DPP9: variants seen among roughly 807,000 people sequenced by gnomAD.
DPP9 encodes the protein dipeptidyl peptidase 9, also known as dipeptidyl peptidase IV-related protein-2.
DPP9 carries 50 observed loss-of-function variants against 110.7 expected under a neutral mutation model. That is an observed-to-expected ratio of 0.45 (90% CI 0.36 to 0.57). The LOEUF (loss-of-function observed/expected upper bound fraction) is 0.57, where lower values mean the gene tolerates loss of function less well. DPP9 is among the 20% of genes least tolerant of loss of function. The pLI, the probability that DPP9 is intolerant of heterozygous loss-of-function variation, is 0.00. For missense variants in DPP9, 1,022 were observed against 1,217.9 expected (o/e 0.84, Z 2.39); for synonymous variants, 561 against 514.4 (o/e 1.09, Z -1.23).
chr19:4,708,595 C>G (rs928541242), intron 4 of DPP9, among the ~76,000 whole-genome samples: 3 of 152,226 alleles, frequency 2.0e-5, no homozygotes, highest in Non-Finnish European at 4.4e-5. Context: ...CCACGGAGTA[C>G]TCTGCAGCCA....
Position 4,689,500 on chromosome 19 carries a change from A to C in DPP9, c.1749+70T>G. ...ATGACCCTGAGTGCTGTGCCGGGCC[A>C]TGAGGGACTGCTCTGGCTGGGAGCT... On this transcript the variant is annotated intron_variant, in intron 15 of 21. Transcript: ENST00000262960. The surrounding 1 kb of genome is among the most constrained non-coding windows in gnomAD (Gnocchi z 7.0). 1 of 1,515,052 alleles carries C rather than the reference A, an allele frequency of 6.6e-7. No individual in the cohort carries two copies. Among genetic ancestry groups the C allele is most frequent in the Non-Finnish European group, 8.8e-7 (1 of 1,135,464 alleles). The allele number at this position is 1,515,052 out of a possible 1,614,324, so 93.9% of individuals were successfully genotyped here. A position where few individuals can be genotyped will look rare whatever the true frequency, so the allele number is the denominator to read the frequency against.
chr19:4,690,991 C>T (rs375859514), intron 13 of DPP9, 34 bp from the exon 14 acceptor site: 3 of 1,571,816 alleles, frequency 1.9e-6, no homozygotes, highest in African/African-American at 1.3e-5. Context: ...GTGAAGGGGC[C>T]TGGGAGGTGA....
chr19:4,714,021 C>T (rs2092960371), intron 4 of DPP9, 60 bp downstream of exon 4: 4 of 1,533,934 alleles, frequency 2.6e-6, no homozygotes, highest in Non-Finnish European at 2.6e-6. Context: ...ACAGAGAGGA[C>T]CAGGGAACTG....
At chr19:4,688,935 C>T (rs1157843207) in intron 15 of DPP9, 43 bp from the exon 16 acceptor site, 17 of 1,495,896 alleles carry the variant, frequency 1.1e-5, no homozygotes, top group East Asian at 2.7e-5. Flanking sequence ...GATGCCGCTG[C>T]GCCCTTTCCA....
rs1348685706 is a variant in DPP9, at chr19:4,700,409, G to T, written c.1013-132C>A. The stretch of plus-strand genomic sequence containing the variant: ...AATTGGAGTGGGGGAGGCAGGAGAA[G>T]CCAGGTGTCCCACGGTCTGTCTGTA... On this transcript the variant is annotated intron_variant, in intron 9 of 21. Coordinates refer to ENST00000262960, the MANE Select transcript of DPP9 (RefSeq NM_139159.5). The surrounding 1 kb of genome is among the most constrained non-coding windows in gnomAD (Gnocchi z 4.3). 6.8e-6 allele frequency: 4 copies of T among 589,788 alleles called. No individual in the cohort carries two copies. Among genetic ancestry groups the T allele is most frequent in the African/African-American group, 1.9e-5 (1 of 52,472 alleles). 36.5% of individuals were successfully genotyped at this position (589,788 alleles called of 1,614,324 possible).
chr19:4,676,646 T>C lies in DPP9; in HGVS notation c.2597A>G (p.Asn866Ser), dbSNP rs1318818287. The C allele has an allele frequency of 6.2e-7, 1 of 1,603,340 alleles. No individual in the cohort carries two copies. The highest frequency in any genetic ancestry group is 2.3e-5 in the East Asian group (1 of 44,364). The part of the protein sequence containing the change: ...GKPYQLQIYP[N>S]ERHSIRCPES... The stretch of plus-strand genomic sequence containing the variant: ...GGGGCAGCGAATACTGTGTCTCTCG[T>C]TGGGGTAGATCTGCGGGGAGACAGG... Residue 866 changes from asparagine (N) to serine (S), a missense_variant, in exon 22 of 22, where the codon AAC becomes AGC. This residue lies in a region of DPP9 where 209 missense variants were observed against 280.4 expected (regional missense o/e 0.75). Coordinates refer to ENST00000262960, the MANE Select transcript of DPP9 (RefSeq NM_139159.5). This position sits in a 1 kb window ranked among gnomAD's most constrained non-coding sequence, Gnocchi z 4.0.
In DPP9 at chr19:4,714,296, G is replaced by A. The variant is rs749337868; in HGVS notation, c.98C>T (p.Thr33Ile). 35 of 1,541,234 alleles carry A rather than the reference G, an allele frequency of 2.3e-5. No individual in the cohort carries two copies. The highest frequency in any genetic ancestry group is 1.6e-4 in the Admixed American group (8 of 51,036). Residue 33 changes from threonine to isoleucine, a missense_variant, in exon 4 of 22, where the codon ACC (threonine) becomes ATC (isoleucine). By Grantham distance (89) the Thr-to-Ile change is moderately conservative (BLOSUM62 -1). Transcript: ENST00000262960. ...NSEGAERMAT[T>I]GTPTADRGDA... is the part of the protein sequence containing the mutation. Reference sequence around the variant, plus strand: ...GCCTCGGTCGGCCGTTGGGGTCCCGGTGGTGGCCATCCTCTCAGCCCCCTC... The same window carrying A: ...GCCTCGGTCGGCCGTTGGGGTCCCGATGGTGGCCATCCTCTCAGCCCCCTC...
chr19:4,682,642 C>T lies in DPP9; in HGVS notation c.2474+54G>A. The T allele has an allele frequency of 1.9e-6, 3 of 1,586,388 alleles. No homozygotes were observed. The highest frequency in any genetic ancestry group is 2.6e-6 in the Non-Finnish European group (3 of 1,167,424). On this transcript the variant is annotated intron_variant, in intron 20 of 21. Transcript: ENST00000262960. This position sits in a 1 kb window ranked among gnomAD's most constrained non-coding sequence, Gnocchi z 7.1. ...GGCACCCTCATAGAGACAGCTGGTGCCGGGGTGCAGGAGAAGCCCCGGGGA... is the reference window on the plus strand; with the variant it reads ...GGCACCCTCATAGAGACAGCTGGTGTCGGGGTGCAGGAGAAGCCCCGGGGA...
chr19:4,691,832 C>A (rs1215989077), intron 13 of DPP9, among the ~76,000 whole-genome samples: 1 of 150,996 alleles, frequency 6.6e-6, no homozygotes, highest in Non-Finnish European at 1.5e-5. Context: ...CACCTGCCAC[C>A]ATGCCCGGCT....
At chr19:4,706,614 G>A (rs536834488) in intron 4 of DPP9, among the ~76,000 whole-genome samples, 1 of 152,166 alleles carries the variant, frequency 6.6e-6, no homozygotes, top group African/African-American at 2.4e-5. Flanking sequence ...TCAGGAGTTC[G>A]AGACCAGACT....
Position 4,687,794 on chromosome 19 carries a change from G to C in DPP9, c.1885+963C>G, listed in dbSNP as rs995725698. 6.6e-6 allele frequency among the ~76,000 whole-genome samples: 1 copy of C among 152,000 alleles called. No individual in the cohort carries two copies. The highest frequency in any genetic ancestry group is 6.6e-5 in the Admixed American group (1 of 15,260). On this transcript the variant is annotated intron_variant, in intron 16 of 21. Transcript: ENST00000262960. The surrounding 1 kb of genome is among the most constrained non-coding windows in gnomAD (Gnocchi z 4.7). ...GGCCACCCCTGCATGGACCACCACT[G>C]TTCAAAAGGTTTTTTTTTTTTGAGA...
chr19:4,704,088 G>T lies in DPP9; in HGVS notation c.601-34C>A. 6.2e-7 allele frequency: 1 copy of T among 1,613,524 alleles called. No individual in the cohort carries two copies. The highest frequency in any genetic ancestry group is 8.5e-7 in the Non-Finnish European group (1 of 1,179,616). ...AGAGACGCCCAGCTCAGGGGGAGGGGCCCTCCACGCCACCCCCGCACACAG... is the reference window on the plus strand; with the variant it reads ...AGAGACGCCCAGCTCAGGGGGAGGGTCCCTCCACGCCACCCCCGCACACAG... On this transcript the variant is annotated intron_variant, in intron 6 of 21. Coordinates refer to ENST00000262960, the MANE Select transcript of DPP9 (RefSeq NM_139159.5). The surrounding 1 kb of genome is among the most constrained non-coding windows in gnomAD (Gnocchi z 6.0).
At chr19:4,705,481 C>T (rs995758575) in intron 5 of DPP9, among the ~76,000 whole-genome samples, 3 of 152,234 alleles carry the variant, frequency 2.0e-5, no homozygotes, top group Admixed American at 6.5e-5. Context: ...CTCGGCCTCC[C>T]AATCATCAAA....
chr19:4,682,872 G>T lies in DPP9; in HGVS notation c.2332-34C>A, dbSNP rs749247611. The T allele has an allele frequency of 6.4e-7, 1 of 1,559,582 alleles. No individual in the cohort carries two copies. Among genetic ancestry groups the T allele is most frequent in the African/African-American group, 1.4e-5 (1 of 73,670 alleles). ...CACAGCAGACAGATGGGGGCAGAGA[G>T]AGAGAGAGAAACAGGCGTCGGGTCC... On this transcript the variant is annotated intron_variant, in intron 19 of 21. Coordinates refer to ENST00000262960, the MANE Select transcript of DPP9 (RefSeq NM_139159.5). The surrounding 1 kb of genome is among the most constrained non-coding windows in gnomAD (Gnocchi z 7.1).
At position 4,703,910 on chromosome 19, in the gene DPP9, G is replaced by A. The variant is rs199621774; in HGVS notation, c.745C>T (p.Arg249Trp). The A allele has an allele frequency of 1.3e-4, 203 of 1,609,576 alleles. No homozygotes were observed. The highest frequency in any genetic ancestry group is 1.5e-4 in the Non-Finnish European group (182 of 1,178,172). Residue 249 changes from arginine to tryptophan, a missense_variant, in exon 7 of 22, where the codon CGG becomes TGG. Physicochemically the swap from Arg to Trp is moderately radical, Grantham distance 101. This residue lies in a region of DPP9 where 810 missense variants were observed against 920.6 expected (regional missense o/e 0.88). Transcript: ENST00000262960. Reference protein sequence around the residue: ...WVANIETGEERRLTFCHQGLS... With the variant: ...WVANIETGEEWRLTFCHQGLS... Reference sequence around the variant, plus strand: ...CCTTGGTGGCAGAAGGTCAGCCGCCGCTCCTCGCCTGTCTCGATGTTGGCC... The same window carrying A: ...CCTTGGTGGCAGAAGGTCAGCCGCCACTCCTCGCCTGTCTCGATGTTGGCC...
At position 4,694,712 on chromosome 19, in the gene DPP9, C is replaced by T. The variant is rs201879683; in HGVS notation, c.1465G>A (p.Val489Ile). ...CAATCGTAGCCCTGGGATTTTAAAA[C>T]GGCGGTGACTTTGTACAAATGGCAG... ...GFCHLYKVTA[V>I]LKSQGYDWSE... The change falls in exon 13 of 22, where the codon GTT (valine) becomes ATT (isoleucine). Residue 489 changes from valine (V) to isoleucine (I), a missense_variant. This residue lies in a region of DPP9 where 810 missense variants were observed against 920.6 expected (regional missense o/e 0.88). Coordinates refer to ENST00000262960, the MANE Select transcript of DPP9 (RefSeq NM_139159.5). The surrounding 1 kb of genome is among the most constrained non-coding windows in gnomAD (Gnocchi z 4.0). The T allele has an allele frequency of 1.5e-3, 2,436 of 1,613,334 alleles. 1 individual carries two copies. The highest frequency in any genetic ancestry group is 1.9e-3 in the Non-Finnish European group (2,253 of 1,179,650).
rs2090438636 is a variant in DPP9, at chr19:4,684,828, C to T, written c.2032-19G>A. 3 of 1,581,578 alleles carry T rather than the reference C, an allele frequency of 1.9e-6. No homozygotes were observed. Among genetic ancestry groups the T allele is most frequent in the Admixed American group, 1.8e-5 (1 of 54,424 alleles). On this transcript the variant is annotated intron_variant, in intron 17 of 21. Transcript: ENST00000262960. This position sits in a 1 kb window ranked among gnomAD's most constrained non-coding sequence, Gnocchi z 4.8. ...GCTGCACCTGTGGGGAGGTGAGGGC[C>T]AGCAGTCCAGCACGAGATGCCGGGC...
At chr19:4,680,517 G>C (rs2089697082) in intron 20 of DPP9, among the ~76,000 whole-genome samples, 1 of 152,050 alleles carries the variant, frequency 6.6e-6, no homozygotes, top group Non-Finnish European at 1.5e-5. Flanking sequence ...TTTGAGACCA[G>C]CCTGGGCAAC....
Position 4,682,208 on chromosome 19 carries a change from T to C in DPP9, c.2474+488A>G, listed in dbSNP as rs1004686759. 6.6e-6 allele frequency among the ~76,000 whole-genome samples: 1 copy of C among 152,154 alleles called. No individual in the cohort carries two copies. The highest frequency in any genetic ancestry group is 2.4e-5 in the African/African-American group (1 of 41,434). ...GCATGGGATTCCGGGGAACATTTTC[T>C]GGAGACGTGCCAGAAAATGGGAACA... is the stretch of plus-strand genomic sequence containing the variant. On this transcript the variant is annotated intron_variant, in intron 20 of 21. Coordinates refer to ENST00000262960, the MANE Select transcript of DPP9 (RefSeq NM_139159.5). The surrounding 1 kb of genome is among the most constrained non-coding windows in gnomAD (Gnocchi z 7.1).
Sources: allele counts gnomAD v4.1 joint callset (sites outside exome capture counted in the v4.1 genomes callset), GRCh38; gene constraint gnomAD v4.1.1; regional missense constraint gnomAD v4.1.1; non-coding constraint Gnocchi (gnomAD v3.1); transcripts MANE v1.5; gene names NCBI Gene and HGNC (gene_info 2026-07-23, HGNC 2026-07-21).